NLGN1: variants seen among roughly 807,000 people sequenced by gnomAD.
NLGN1 encodes the protein neuroligin-1.
Under a neutral mutation model 65.5 loss-of-function variants are expected in NLGN1, and 12 were observed. The observed-to-expected ratio is 0.18, with a 90% CI of 0.12 to 0.30. The LOEUF (loss-of-function observed/expected upper bound fraction) is 0.30, where lower values mean the gene tolerates loss of function less well. NLGN1 is among the 10% of genes least tolerant of loss of function. The pLI, the probability that NLGN1 is intolerant of heterozygous loss-of-function variation, is 1.00. For synonymous variants in NLGN1, 350 were observed against 359.5 expected (o/e 0.97, Z 0.30); for missense variants, 750 against 1,007.1 (o/e 0.74, Z 3.46).
intron 3 of NLGN1, among the ~76,000 whole-genome samples, chr3:173,688,564 G>A (rs1560172860): frequency 6.6e-6 from 1 of 152,138 alleles, no homozygotes. Flanking sequence ...CCCTGTTACT[G>A]TCTCAGTCAT....
At chr3:173,844,057 C>T (rs1725298109) in intron 4 of NLGN1, among the ~76,000 whole-genome samples, 1 of 152,156 alleles carries the variant, frequency 6.6e-6, no homozygotes, top group Admixed American at 6.5e-5. Flanking sequence ...TGGATGACAG[C>T]AGGCAAGGAA....
At chr3:174,207,460 C>T (rs146919535) in intron 4 of NLGN1, among the ~76,000 whole-genome samples, 2 of 152,258 alleles carry the variant, frequency 1.3e-5, no homozygotes, top group African/African-American at 4.8e-5. Context: ...TTATTCTCAG[C>T]TCAATTAGAA....
chr3:173,477,133 G>A (rs187014755), intron 2 of NLGN1, among the ~76,000 whole-genome samples: 53 of 152,252 alleles, frequency 3.5e-4, no homozygotes, highest in Non-Finnish European at 5.7e-4. Context: ...ACTAGAAATG[G>A]GATGTCATTT....
chr3:173,460,537 C>T (rs925401380), intron 2 of NLGN1, among the ~76,000 whole-genome samples: 16 of 152,076 alleles, frequency 1.1e-4, no homozygotes, highest in African/African-American at 3.4e-4. Flanking sequence ...AGCTCAAGAA[C>T]TGAAGGTATG....
chr3:173,918,372 CA>C (rs1223443391), intron 4 of NLGN1, among the ~76,000 whole-genome samples: 1 of 152,044 alleles, frequency 6.6e-6, no homozygotes, highest in African/African-American at 2.4e-5. Flanking sequence ...CGCGGTGGCT[CA>C]CACCTGTAAT....
At chr3:173,414,591 A>AG (rs536810049) in intron 1 of NLGN1, among the ~76,000 whole-genome samples, 83 of 152,018 alleles carry the variant, frequency 5.5e-4, no homozygotes, top group Admixed American at 4.8e-3. Flanking sequence ...GTGAAAAAAA[A>AG]AAAAGCACCA....
intron 4 of NLGN1, among the ~76,000 whole-genome samples, chr3:173,991,627 A>G (rs1197420498): frequency 6.6e-6 from 1 of 152,156 alleles, no homozygotes; most frequent in Admixed American, 6.6e-5. Flanking sequence ...TTGTTCTACT[A>G]TATTGGATAT....
At chr3:174,100,080 G>T (rs919658009) in intron 4 of NLGN1, among the ~76,000 whole-genome samples, 4 of 152,064 alleles carry the variant, frequency 2.6e-5, no homozygotes, top group South Asian at 4.1e-4. Context: ...TAAATATGGG[G>T]TTTTTGCTCC....
chr3:174,088,499 G>T (rs2152561678), intron 4 of NLGN1, among the ~76,000 whole-genome samples: 1 of 152,218 alleles, frequency 6.6e-6, no homozygotes, highest in African/African-American at 2.4e-5. Flanking sequence ...ACTCACGCCT[G>T]TAATCCCAGC....
chr3:173,481,079 G>C (rs1727204521), intron 2 of NLGN1, among the ~76,000 whole-genome samples: 1 of 151,938 alleles, frequency 6.6e-6, no homozygotes, highest in Non-Finnish European at 1.5e-5. Flanking sequence ...TTCAGATAAG[G>C]AAATTGAGGC....
At chr3:174,106,199 A>G (rs1702526868) in intron 4 of NLGN1, among the ~76,000 whole-genome samples, 2 of 152,158 alleles carry the variant, frequency 1.3e-5, no homozygotes, top group African/African-American at 4.8e-5. Flanking sequence ...CATAAAGTTT[A>G]TATACTCACT....
intron 1 of NLGN1, among the ~76,000 whole-genome samples, chr3:173,414,714 G>A (rs974865159): frequency 6.6e-6 from 1 of 152,172 alleles, no homozygotes; most frequent in African/African-American, 2.4e-5. Context: ...GAACATTAAT[G>A]TCTTTGGGGA....
At chr3:174,245,003 G>T (rs924634162) in intron 4 of NLGN1, among the ~76,000 whole-genome samples, 1 of 152,114 alleles carries the variant, frequency 6.6e-6, no homozygotes, top group Non-Finnish European at 1.5e-5. Context: ...CTGACATCTT[G>T]TATTTATTTA....
intron 1 of NLGN1, among the ~76,000 whole-genome samples, chr3:173,426,481 C>G (rs948798945): frequency 6.6e-6 from 1 of 151,954 alleles, no homozygotes; most frequent in Non-Finnish European, 1.5e-5. Flanking sequence ...TCATATACAG[C>G]CTTTAATGTT....
intron 3 of NLGN1, among the ~76,000 whole-genome samples, chr3:173,730,329 C>CCCG (rs1772596008): frequency 7.1e-6 from 1 of 139,878 alleles, no homozygotes; most frequent in South Asian, 2.3e-4. Context: ...CGCTCCCCCC[C>CCCG]CCCCGCAAAA....
intron 3 of NLGN1, among the ~76,000 whole-genome samples, chr3:173,633,284 T>A (rs1756034437): frequency 6.6e-6 from 1 of 152,160 alleles, no homozygotes; most frequent in Admixed American, 6.6e-5. Context: ...TCATGTAAGA[T>A]CCTCCATGGC....
intron 2 of NLGN1, among the ~76,000 whole-genome samples, chr3:173,507,385 C>T (rs1008123813): frequency 2.0e-5 from 3 of 152,114 alleles, no homozygotes; most frequent in African/African-American, 7.2e-5. Flanking sequence ...AATTAGCTCT[C>T]TCTTCTTAAC....
chr3:173,944,012 G>T (rs771481369), intron 4 of NLGN1, among the ~76,000 whole-genome samples: 2 of 152,084 alleles, frequency 1.3e-5, no homozygotes, highest in Non-Finnish European at 2.9e-5. Context: ...TGACAGACAT[G>T]TACAAATGTG....
chr3:174,081,385 G>A (rs1448174144), intron 4 of NLGN1, among the ~76,000 whole-genome samples: 2 of 151,946 alleles, frequency 1.3e-5, no homozygotes, highest in African/African-American at 4.8e-5. Flanking sequence ...CAAGATCAAG[G>A]CACCCGAAAA....
Sources: gnomAD v4.1 joint callset for allele counts (sites outside exome capture counted in the v4.1 genomes callset) on GRCh38, gnomAD v4.1.1 for gene constraint, MANE v1.5 for transcripts, NCBI Gene and HGNC (gene_info 2026-07-23, HGNC 2026-07-21) for gene names.